Variants in SSBP4 observed in about 807,000 individuals in gnomAD.
The protein encoded by SSBP4 is single-stranded DNA-binding protein 4.
SSBP4 carries 33 observed loss-of-function variants against 64.6 expected under a neutral mutation model. The observed-to-expected ratio is 0.51, with a 90% CI of 0.39 to 0.68. The LOEUF is 0.68. Ranked by LOEUF, SSBP4 falls within the 30% of genes least tolerant of loss-of-function variation. The probability of loss-of-function intolerance (pLI) is 0.00; values close to 1 mark genes in which losing one functional copy is unlikely to be tolerated. For synonymous variants in SSBP4, 243 were observed against 224.0 expected (o/e 1.08, Z -0.76); for missense variants, 583 against 566.8 (o/e 1.03, Z -0.29).
chr19:18,429,251 G>A (rs1238025830), intron 4 of SSBP4, among the ~76,000 whole-genome samples: 1 of 151,938 alleles, frequency 6.6e-6, no homozygotes, highest in African/African-American at 2.4e-5. Context: ...GGGGGGCGGG[G>A]GGGGCTCTGT....
At position 18,427,969 on chromosome 19, in the gene SSBP4, C is replaced by T. The variant is rs747349457; in HGVS notation, c.266C>T (p.Ala89Val). ...TGCGAGCACTCCGGCGAGGCCAAGGCCTTCCAGGACTATGTGAGTCCTGGC... is the reference window on the plus strand; with the variant it reads ...TGCGAGCACTCCGGCGAGGCCAAGGTCTTCCAGGACTATGTGAGTCCTGGC... Reference protein sequence around the residue: ...EACEHSGEAKAFQDYSAAAAP... With the variant: ...EACEHSGEAKVFQDYSAAAAP... Residue 89 changes from alanine (A) to valine (V), a missense_variant, in exon 4 of 18, where the codon GCC becomes GTC. By Grantham distance (64) the Ala-to-Val change is moderately conservative. Transcript: ENST00000270061. This position sits in a 1 kb window ranked among gnomAD's most constrained non-coding sequence, Gnocchi z 4.4. The T allele has an allele frequency of 1.2e-6, 2 of 1,612,078 alleles. No individual in the cohort carries two copies. Among genetic ancestry groups the T allele is most frequent in the East Asian group, 2.2e-5 (1 of 44,832 alleles).
chr19:18,431,196 GGTGACCA>G lies in SSBP4; in HGVS notation c.370-156_370-150del, dbSNP rs1973343989. On this transcript the variant is annotated intron_variant, in intron 5 of 17. Transcript: ENST00000270061. ...GGGATGCAGTAGCCACAGTGGTCCTGGTGACCACTGGTGCCTGAGTCCTGCCCTCAAG... is the reference window on the plus strand; with the variant it reads ...GGGATGCAGTAGCCACAGTGGTCCTGCTGGTGCCTGAGTCCTGCCCTCAAG... 5.8e-5 allele frequency among the ~76,000 whole-genome samples: 3 copies of G among 52,156 alleles called. No individual in the cohort carries two copies. In the African/African-American group the frequency reaches 6.1e-4, roughly 11 times the overall value. The allele number at this position is 52,156 out of a possible 152,430, so 34.2% of individuals were successfully genotyped here.
At chr19:18,411,634 A>AAAGGT in the SSBP4 span, among the ~76,000 whole-genome samples, 1 of 152,208 alleles carries the variant, frequency 6.6e-6, no homozygotes, top group Non-Finnish European at 1.5e-5. Context: ...CAGTTGTAGA[A>AAAGGT]AAGGTATCCC....
At chr19:18,407,194 C>T in the SSBP4 span, among the ~76,000 whole-genome samples, 99 of 152,008 alleles carry the variant, frequency 6.5e-4, 1 homozygote, top group Non-Finnish European at 1.2e-4. Flanking sequence ...CACACCACCA[C>T]GCCTGGCTAA....
upstream of SSBP4, among the ~76,000 whole-genome samples, chr19:18,413,894 G>A (rs1236402134): frequency 6.6e-6 from 1 of 152,202 alleles, no homozygotes; most frequent in Non-Finnish European, 1.5e-5. Flanking sequence ...GCAGGCACCT[G>A]TAATCCCAGC....
chr19:18,424,975 T>C (rs562047568), intron 1 of SSBP4, among the ~76,000 whole-genome samples: 1 of 151,650 alleles, frequency 6.6e-6, no homozygotes, highest in East Asian at 2.0e-4. Context: ...TAGCACCCTC[T>C]GGACAGCCCC....
At chr19:18,433,275 T>C in intron 15 of SSBP4, 62 bp downstream of exon 15, 1 of 1,522,144 alleles carries the variant, frequency 6.6e-7, no homozygotes, top group Non-Finnish European at 8.9e-7. Context: ...CCCTGGCTGC[T>C]TCCCCCTGCC....
At chr19:18,424,189 A>G (rs555034242) in intron 1 of SSBP4, among the ~76,000 whole-genome samples, 6 of 152,294 alleles carry the variant, frequency 3.9e-5, no homozygotes, top group African/African-American at 1.4e-4. Flanking sequence ...TAAACTCCCA[A>G]ATCCTCAGTA....
chr19:18,431,464 C>G, intron 6 of SSBP4, 46 bp downstream of exon 6: 2 of 1,074,920 alleles, frequency 1.9e-6, no homozygotes, highest in Non-Finnish European at 2.7e-6. Context: ...CATCCCCTCC[C>G]CCAGCGCCGC....
chr19:18,424,798 G>A (rs907745340), intron 1 of SSBP4, among the ~76,000 whole-genome samples: 20 of 150,964 alleles, frequency 1.3e-4, no homozygotes, highest in Non-Finnish European at 2.5e-4. Flanking sequence ...ACGCCTGTGC[G>A]CACGCCACCA....
the SSBP4 span, among the ~76,000 whole-genome samples, chr19:18,411,351 C>T: frequency 2.0e-5 from 3 of 152,070 alleles, no homozygotes; most frequent in East Asian, 5.8e-4. Flanking sequence ...AAAAAGTAGC[C>T]GGGCGTGGTG....
At chr19:18,418,097 C>A (rs1384826065), upstream of SSBP4, among the ~76,000 whole-genome samples, 4 of 152,132 alleles carry the variant, frequency 2.6e-5, no homozygotes, top group African/African-American at 9.7e-5. This position sits in a 1 kb window ranked among gnomAD's most constrained non-coding sequence, Gnocchi z 6.7. Context: ...CCTCACTGAG[C>A]GACTCGGCCC....
chr19:18,429,510 C>T (rs1035435210), intron 4 of SSBP4, among the ~76,000 whole-genome samples: 13 of 151,578 alleles, frequency 8.6e-5, no homozygotes, highest in Admixed American at 7.2e-4. Flanking sequence ...CCAGGAAACG[C>T]TCAGGCACCC....
intron 4 of SSBP4, 121 bp from the exon 5 acceptor site, chr19:18,430,720 C>T: frequency 1.2e-6 from 1 of 812,700 alleles, no homozygotes; most frequent in Non-Finnish European, 1.9e-6. Flanking sequence ...AGTGTGCTCA[C>T]TGACCAATGC....
At chr19:18,406,688 G>C in the SSBP4 span, among the ~76,000 whole-genome samples, 2 of 151,954 alleles carry the variant, frequency 1.3e-5, no homozygotes, top group African/African-American at 4.8e-5. Flanking sequence ...AAGTCTGCCC[G>C]CAGGTCCGCT....
intron 15 of SSBP4, 88 bp downstream of exon 15, chr19:18,433,301 G>T: frequency 6.7e-7 from 1 of 1,482,654 alleles, no homozygotes. Flanking sequence ...CCCGCCTGCC[G>T]GGTGGAGGCG....
intron 4 of SSBP4, among the ~76,000 whole-genome samples, chr19:18,430,161 CCT>C (rs1973233256): frequency 6.6e-6 from 1 of 152,112 alleles, no homozygotes; most frequent in South Asian, 2.1e-4. Context: ...TTCTCCCCTC[CCT>C]GTCCCCAGAC....
chr19:18,414,819 TGGA>T (rs1568337692), upstream of SSBP4, among the ~76,000 whole-genome samples: 1 of 152,136 alleles, frequency 6.6e-6, no homozygotes, highest in East Asian at 1.9e-4. Context: ...CCCAGTGGCT[TGGA>T]GGGGTCACTG....
At chr19:18,433,995 CCGCTCCTA>C in intron 17 of SSBP4, 178 bp downstream of exon 17, 1 of 1,216,424 alleles carries the variant, frequency 8.2e-7, no homozygotes, top group Non-Finnish European at 1.0e-6. Flanking sequence ...CCACCACCTC[CCGCTCCTA>C]TTTCACCGTC....
Sources: allele counts gnomAD v4.1 joint callset (sites outside exome capture counted in the v4.1 genomes callset), GRCh38; gene constraint gnomAD v4.1.1; non-coding constraint Gnocchi (gnomAD v3.1); transcripts MANE v1.5; gene names NCBI Gene and HGNC (gene_info 2026-07-23, HGNC 2026-07-21).